The following GPHN variants were observed in gnomAD, a reference collection of about 807,000 sequenced individuals.
The protein encoded by GPHN is gephyrin.
A neutral mutation model predicts 95.5 loss-of-function variants in GPHN; 17 were observed. The ratio of observed to expected loss-of-function variants is 0.18; its 90% confidence interval spans 0.12 to 0.27. The LOEUF is 0.27. Among genes scored for constraint, GPHN ranks in the 10% least tolerant of loss-of-function variants. GPHN has a pLI of 1.00. For missense variants in GPHN, 660 were observed against 978.1 expected, an observed-to-expected ratio of 0.67 and a Z score of 4.34; for synonymous variants, 320 against 322.5, an observed-to-expected ratio of 0.99 and a Z score of 0.08.
the GPHN span, among the ~76,000 whole-genome samples, chr14:67,602,354 G>C: frequency 8.9e-4 from 135 of 152,264 alleles, no homozygotes; most frequent in Admixed American, 3.2e-3. Flanking sequence ...CTCCCACTGG[G>C]TCCCTCCCCT....
At chr14:67,477,158 C>T in the GPHN span, among the ~76,000 whole-genome samples, 1 of 123,154 alleles carries the variant, frequency 8.1e-6, no homozygotes, top group South Asian at 2.2e-4. Context: ...AAGAGCGAAA[C>T]TCCATCTCAA....
At chr14:66,642,526 G>A (rs1049257024) in intron 1 of GPHN, among the ~76,000 whole-genome samples, 6 of 151,360 alleles carry the variant, frequency 4.0e-5, no homozygotes, top group African/African-American at 1.5e-4. Context: ...AGCCTTAAGA[G>A]TACGAGCTCA....
chr14:66,815,089 T>TA (rs1461763124), intron 3 of GPHN, among the ~76,000 whole-genome samples: 1 of 151,742 alleles, frequency 6.6e-6, no homozygotes, highest in Non-Finnish European at 1.5e-5. Context: ...CTTTCTGAAA[T>TA]AAGACAGGCA....
the GPHN span, among the ~76,000 whole-genome samples, chr14:67,256,534 A>G: frequency 6.6e-6 from 1 of 152,156 alleles, no homozygotes; most frequent in Non-Finnish European, 1.5e-5. Flanking sequence ...GAGATACTTT[A>G]TATCCTTTTT....
intron 1 of GPHN, among the ~76,000 whole-genome samples, chr14:66,667,519 C>G (rs1595471550): frequency 6.6e-6 from 1 of 152,150 alleles, no homozygotes; most frequent in Admixed American, 6.5e-5. Context: ...ACTATCTGAT[C>G]TTGAAGAAAC....
At chr14:67,658,858 AAT>A in the GPHN span, among the ~76,000 whole-genome samples, 1 of 152,230 alleles carries the variant, frequency 6.6e-6, no homozygotes, top group African/African-American at 2.4e-5. Context: ...ATGTCAAGCC[AAT>A]ATCATCCTGA....
intron 8 of GPHN, among the ~76,000 whole-genome samples, chr14:66,943,518 C>T (rs2067546731): frequency 6.6e-6 from 1 of 152,174 alleles, no homozygotes; most frequent in East Asian, 1.9e-4. Context: ...AAACATTTAG[C>T]AAACCTAGCA....
chr14:67,569,264 G>T, the GPHN span: 1 of 1,395,996 alleles, frequency 7.2e-7, no homozygotes, highest in South Asian at 1.2e-5. Context: ...AAGGTGGGCA[G>T]GGTGGGCAAG....
At chr14:66,605,133 G>A (rs1448393865) in intron 1 of GPHN, among the ~76,000 whole-genome samples, 1 of 151,928 alleles carries the variant, frequency 6.6e-6, no homozygotes, top group Admixed American at 6.6e-5. Context: ...CCATATCTTT[G>A]CGATCGTGAA....
chr14:66,543,544 A>G lies in GPHN; in HGVS notation c.64+34953A>G, dbSNP rs529703956. Among the ~76,000 whole-genome samples the G allele has an allele frequency of 1.4e-4, 22 of 152,286 alleles. No homozygotes were observed. The East Asian group carries it at 4.0e-3, about 28-fold the overall frequency. Reference sequence around the variant, plus strand: ...ATTCCTGAATTGTACACATATATACACCTATGTCTGTATCTACTTGACATT... The same window carrying G: ...ATTCCTGAATTGTACACATATATACGCCTATGTCTGTATCTACTTGACATT... On this transcript the variant is annotated intron_variant, in intron 1 of 22. Transcript: ENST00000478722.
chr14:67,347,370 C>G, the GPHN span: 2 of 1,520,436 alleles, frequency 1.3e-6, no homozygotes, highest in Non-Finnish European at 1.8e-6. Context: ...AACAGGAAAT[C>G]CCAGAGACAC....
At position 66,545,338 on chromosome 14, in the gene GPHN, A is replaced by ACC. The variant is rs574288741; in HGVS notation, c.64+36753_64+36754dup. 9.6e-5 allele frequency among the ~76,000 whole-genome samples: 8 copies of ACC among 83,102 alleles called. 2 individuals carry two copies. The highest frequency in any genetic ancestry group is 6.5e-4 in the African/African-American group (8 of 12,352). The allele number at this position is 83,102 out of a possible 152,430, so 54.5% of individuals were successfully genotyped here. ...GGGCGGCTGGCCGGGCAGGGGGCTG[A>ACC]CCCCCCCACCTCCCTCCCGGACGGG... is the stretch of plus-strand genomic sequence containing the variant. On this transcript the variant is annotated intron_variant, in intron 1 of 22. Coordinates refer to ENST00000478722, the MANE Select transcript of GPHN (RefSeq NM_020806.5).
chr14:66,769,696 T>C (rs1487780526), intron 2 of GPHN, among the ~76,000 whole-genome samples: 1 of 152,182 alleles, frequency 6.6e-6, no homozygotes, highest in Non-Finnish European at 1.5e-5. Context: ...ATGGTGTATA[T>C]GTATATGTAC....
intron 9 of GPHN, among the ~76,000 whole-genome samples, chr14:66,977,219 C>G (rs887746687): frequency 6.6e-6 from 1 of 152,050 alleles, no homozygotes; most frequent in Non-Finnish European, 1.5e-5. Flanking sequence ...ATCACGAGGC[C>G]AGGAGATCGA....
chr14:66,564,162 T>C (rs2060369563), intron 1 of GPHN, among the ~76,000 whole-genome samples: 1 of 152,106 alleles, frequency 6.6e-6, no homozygotes, highest in African/African-American at 2.4e-5. Context: ...ATAACTGTCC[T>C]TATCTACCCT....
At chr14:67,382,237 TC>T in the GPHN span, among the ~76,000 whole-genome samples, 1 of 151,836 alleles carries the variant, frequency 6.6e-6, no homozygotes, top group Non-Finnish European at 1.5e-5. Flanking sequence ...TTGCATTAGA[TC>T]CCTGTGTTGA....
At chr14:67,295,045 A>T in the GPHN span, 3 of 152,170 alleles carry the variant, frequency 2.0e-5, no homozygotes, top group African/African-American at 7.2e-5. Context: ...AAACACCTTT[A>T]AGAGAGTAAA....
At chr14:66,509,445 G>A (rs1173702870) in intron 1 of GPHN, 1 of 152,230 alleles carries the variant, frequency 6.6e-6, no homozygotes, top group Admixed American at 6.5e-5. Context: ...CCTCCCTCGC[G>A]AAAGCCGTGT....
At chr14:67,218,549 G>A in the GPHN span, among the ~76,000 whole-genome samples, 1 of 152,170 alleles carries the variant, frequency 6.6e-6, no homozygotes. Context: ...TGTTTCTCTG[G>A]TCCAGGATAT....
Sources: gnomAD v4.1 joint callset for allele counts (sites outside exome capture counted in the v4.1 genomes callset) on GRCh38, gnomAD v4.1.1 for gene constraint, MANE v1.5 for transcripts, NCBI Gene and HGNC (gene_info 2026-07-23, HGNC 2026-07-21) for gene names.